Variants in EXOSC7 observed in about 807,000 individuals in gnomAD.
EXOSC7 encodes exosome complex component RRP42.
In EXOSC7, 25 loss-of-function variants were observed where a neutral mutation model predicts 34.3. The observed-to-expected ratio is 0.73, with a 90% CI of 0.53 to 1.02. The LOEUF is 1.02. EXOSC7 is among the 50% of genes least tolerant of loss of function. The pLI is 0.00. For synonymous variants in EXOSC7, 130 were observed against 143.0 expected, an observed-to-expected ratio of 0.91 and a Z score of 0.65; for missense variants, 370 against 368.5, an observed-to-expected ratio of 1.00 and a Z score of -0.03.
chr3:44,984,556 TC>T (rs1388714854), intron 1 of EXOSC7, among the ~76,000 whole-genome samples: 1 of 151,962 alleles, frequency 6.6e-6, no homozygotes, highest in African/African-American at 2.4e-5. Context: ...CTCTGCTGAG[TC>T]CTTTTGTAAA....
At chr3:44,999,911 A>T (rs1030194155) in intron 4 of EXOSC7, among the ~76,000 whole-genome samples, 1 of 152,050 alleles carries the variant, frequency 6.6e-6, no homozygotes, top group African/African-American at 2.4e-5. Flanking sequence ...AAACCTCCTA[A>T]TTTCTTTTTA....
chr3:44,983,520 G>C (rs970379000), intron 1 of EXOSC7, among the ~76,000 whole-genome samples: 2 of 152,176 alleles, frequency 1.3e-5, no homozygotes, highest in Non-Finnish European at 2.9e-5. Context: ...GAAGGTGGCT[G>C]TTTCCACCAC....
chr3:44,977,654 G>A (rs1706129042), intron 1 of EXOSC7, among the ~76,000 whole-genome samples: 1 of 152,232 alleles, frequency 6.6e-6, no homozygotes, highest in Admixed American at 6.5e-5. Flanking sequence ...AAAGCAGTTA[G>A]ATATGTCTTT....
intron 1 of EXOSC7, among the ~76,000 whole-genome samples, chr3:44,984,468 A>G (rs76057075): frequency 2.0e-5 from 3 of 146,576 alleles, no homozygotes; most frequent in Admixed American, 6.8e-5. Flanking sequence ...TCCTGTCTCA[A>G]AAAAAAAAAA....
rs763940156 is a variant in EXOSC7 at position 44,976,306 on chromosome 3, A to G, written c.29A>G (p.Glu10Gly). The change falls in exon 1 of 8, where the codon GAG becomes GGG. Residue 10 changes from glutamate (E) to glycine (G), a missense_variant. By Grantham distance (98) the Glu-to-Gly change is moderately conservative. Transcript: ENST00000265564. ...GCGTCCGTGACGCTGAGCGAGGCGG[A>G]GAAGGTGTACATCGTGCATGGCGTC... Reference protein sequence around the residue: MASVTLSEAEKVYIVHGVQE... With the variant: MASVTLSEAGKVYIVHGVQE... 7 of 1,564,274 alleles carry G rather than the reference A, an allele frequency of 4.5e-6. No homozygotes were observed. The South Asian group carries it at 5.9e-5, about 13-fold the overall frequency.
At chr3:44,991,322 T>G (rs976514976) in intron 3 of EXOSC7, among the ~76,000 whole-genome samples, 2 of 152,204 alleles carry the variant, frequency 1.3e-5, no homozygotes, top group South Asian at 2.1e-4. Context: ...GCCCATCCTT[T>G]AAGTCACTGT....
At chr3:44,993,072 C>G (rs1553699251) in intron 3 of EXOSC7, among the ~76,000 whole-genome samples, 1 of 151,614 alleles carries the variant, frequency 6.6e-6, no homozygotes, top group Non-Finnish European at 1.5e-5. Context: ...AAAGGGGACA[C>G]TGTTCCTGGC....
intron 1 of EXOSC7, among the ~76,000 whole-genome samples, chr3:44,980,222 G>T (rs879532217): frequency 6.6e-6 from 1 of 152,110 alleles, no homozygotes; most frequent in African/African-American, 2.4e-5. Context: ...AGCAAAGGGA[G>T]TCTAGGTGAT....
intron 3 of EXOSC7, among the ~76,000 whole-genome samples, chr3:44,990,869 C>G (rs1377901869): frequency 6.6e-6 from 1 of 152,200 alleles, no homozygotes; most frequent in African/African-American, 2.4e-5. Flanking sequence ...AGCCAAGGGC[C>G]AACCCTGCAA....
chr3:45,009,845 C>T (rs575968920), intron 7 of EXOSC7, among the ~76,000 whole-genome samples: 2 of 152,300 alleles, frequency 1.3e-5, no homozygotes, highest in African/African-American at 4.8e-5. Flanking sequence ...CACATCCAGC[C>T]CCCGAAGGCC....
intron 1 of EXOSC7, 65 bp downstream of exon 1, chr3:44,976,399 C>G (rs1443097272): frequency 2.1e-6 from 3 of 1,442,662 alleles, no homozygotes; most frequent in Non-Finnish European, 2.8e-6. Flanking sequence ...TCGCGGCCTG[C>G]CCTGGGTTTG....
intron 1 of EXOSC7, among the ~76,000 whole-genome samples, chr3:44,983,273 T>G (rs796431760): frequency 3.9e-5 from 6 of 152,274 alleles, no homozygotes; most frequent in African/African-American, 1.4e-4. Flanking sequence ...CAGGGTTGTT[T>G]TTGAGGATGC....
chr3:44,995,293 A>G (rs1441996912), intron 3 of EXOSC7, among the ~76,000 whole-genome samples: 2 of 152,146 alleles, frequency 1.3e-5, no homozygotes, highest in Non-Finnish European at 2.9e-5. Context: ...AGGGGCATGC[A>G]TGGTTTTATA....
chr3:45,001,877 G>A, intron 5 of EXOSC7: 2 of 387,514 alleles, frequency 5.2e-6, no homozygotes, highest in South Asian at 6.8e-5. Flanking sequence ...GAAAACTACA[G>A]AGAAGCCAAG....
downstream of EXOSC7, among the ~76,000 whole-genome samples, chr3:45,011,652 ATT>A (rs1180340789): frequency 6.6e-6 from 1 of 152,174 alleles, no homozygotes. Flanking sequence ...TATGATATGT[ATT>A]TTGTGAATTT....
intron 1 of EXOSC7, among the ~76,000 whole-genome samples, chr3:44,983,873 A>AG (rs1391586264): frequency 1.3e-5 from 2 of 151,852 alleles, no homozygotes; most frequent in East Asian, 3.9e-4. Context: ...TTTAAAAAAA[A>AG]AAGTTGCCCT....
intron 3 of EXOSC7, among the ~76,000 whole-genome samples, chr3:44,994,677 T>TA (rs1163611196): frequency 6.6e-6 from 1 of 152,126 alleles, no homozygotes; most frequent in Non-Finnish European, 1.5e-5. Flanking sequence ...GTGGCTTTCT[T>TA]ATGTTGCTTA....
intron 1 of EXOSC7, among the ~76,000 whole-genome samples, chr3:44,979,532 A>G (rs1327069676): frequency 6.6e-6 from 1 of 152,140 alleles, no homozygotes; most frequent in Non-Finnish European, 1.5e-5. Flanking sequence ...GGCTCAAGCA[A>G]AACAGTATGG....
chr3:45,008,802 A>G (rs189874517), intron 7 of EXOSC7, among the ~76,000 whole-genome samples: 1 of 152,260 alleles, frequency 6.6e-6, no homozygotes, highest in African/African-American at 2.4e-5. Context: ...TTGTTTTAGA[A>G]GGTACTCTTC....
Sources: allele counts gnomAD v4.1 joint callset (sites outside exome capture counted in the v4.1 genomes callset), GRCh38; gene constraint gnomAD v4.1.1; transcripts MANE v1.5; gene names NCBI Gene and HGNC (gene_info 2026-07-23, HGNC 2026-07-21).